The following UNC5D variants were observed in gnomAD, a reference collection of about 807,000 sequenced individuals.
UNC5D encodes netrin receptor UNC5D.
UNC5D carries 39 observed loss-of-function variants against 105.4 expected under a neutral mutation model. That is an observed-to-expected ratio of 0.37 (90% CI 0.29 to 0.48). The LOEUF (loss-of-function observed/expected upper bound fraction) is 0.48, where lower values mean the gene tolerates loss of function less well. Among genes scored for constraint, UNC5D ranks in the 20% least tolerant of loss-of-function variants. The pLI, the probability that UNC5D is intolerant of heterozygous loss-of-function variation, is 0.98. For missense variants in UNC5D, 991 were observed against 1,202.4 expected (o/e 0.82, Z 2.60); for synonymous variants, 452 against 450.4 (o/e 1.00, Z -0.04).
chr8:35,509,591 T>C (rs1183704156), intron 1 of UNC5D, among the ~76,000 whole-genome samples: 1 of 85,304 alleles, frequency 1.2e-5, no homozygotes, highest in Non-Finnish European at 2.5e-5. Context: ...ACTTTTCCCA[T>C]CCTTTCTCAC....
intron 1 of UNC5D, among the ~76,000 whole-genome samples, chr8:35,275,836 G>GT (rs1246934293): frequency 1.3e-5 from 2 of 152,094 alleles, no homozygotes; most frequent in Non-Finnish European, 2.9e-5. Context: ...CACCTATATT[G>GT]TAAGTAGTTT....
intron 1 of UNC5D, among the ~76,000 whole-genome samples, chr8:35,376,701 G>C (rs1802717350): frequency 6.6e-6 from 1 of 152,162 alleles, no homozygotes; most frequent in Non-Finnish European, 1.5e-5. Context: ...CTCCTGTCTA[G>C]ATAATGGAAT....
chr8:35,526,038 C>A (rs1813847113), intron 1 of UNC5D, among the ~76,000 whole-genome samples: 1 of 152,184 alleles, frequency 6.6e-6, no homozygotes, highest in Non-Finnish European at 1.5e-5. Flanking sequence ...CAGTGTGACA[C>A]TGGCCCAGCA....
chr8:35,631,463 A>G (rs866206399), intron 4 of UNC5D, among the ~76,000 whole-genome samples: 2 of 152,212 alleles, frequency 1.3e-5, no homozygotes, highest in African/African-American at 4.8e-5. Context: ...TGCACCATGC[A>G]CTGCTGGGCA....
chr8:35,416,387 AT>A (rs1189362079), intron 1 of UNC5D, among the ~76,000 whole-genome samples: 1 of 151,958 alleles, frequency 6.6e-6, no homozygotes, highest in Non-Finnish European at 1.5e-5. Flanking sequence ...TAATGCACTG[AT>A]TTTTTTTCTT....
chr8:35,419,683 G>A (rs1805764150), intron 1 of UNC5D, among the ~76,000 whole-genome samples: 1 of 152,180 alleles, frequency 6.6e-6, no homozygotes, highest in Non-Finnish European at 1.5e-5. Flanking sequence ...CCTGCAGTAG[G>A]ACAAACAGGG....
chr8:35,405,912 T>C (rs1054513677), intron 1 of UNC5D, among the ~76,000 whole-genome samples: 8 of 152,186 alleles, frequency 5.3e-5, no homozygotes, highest in African/African-American at 1.9e-4. Context: ...TCCTGACATA[T>C]GTAACTCAAA....
At chr8:35,590,401 T>C (rs1029519960) in intron 3 of UNC5D, among the ~76,000 whole-genome samples, 1 of 152,222 alleles carries the variant, frequency 6.6e-6, no homozygotes, top group Non-Finnish European at 1.5e-5. Flanking sequence ...CTTATTAATA[T>C]AGGATTTATT....
chr8:35,756,781 T>C (rs1273496043), intron 13 of UNC5D, among the ~76,000 whole-genome samples: 2 of 152,130 alleles, frequency 1.3e-5, no homozygotes, highest in Non-Finnish European at 2.9e-5. Flanking sequence ...AATACAACGA[T>C]TGTGTGTAGT....
At chr8:35,312,634 A>T (rs1409511975) in intron 1 of UNC5D, among the ~76,000 whole-genome samples, 1 of 152,302 alleles carries the variant, frequency 6.6e-6, no homozygotes. Flanking sequence ...GACATATTCA[A>T]TAGGCTTCAT....
intron 16 of UNC5D, among the ~76,000 whole-genome samples, chr8:35,781,845 CT>C (rs1208724448): frequency 6.6e-6 from 1 of 152,146 alleles, no homozygotes; most frequent in African/African-American, 2.4e-5. Context: ...ATCCAGGGCT[CT>C]CATACATTTC....
chr8:35,484,890 C>G (rs1810727819), intron 1 of UNC5D, among the ~76,000 whole-genome samples: 1 of 152,136 alleles, frequency 6.6e-6, no homozygotes, highest in Non-Finnish European at 1.5e-5. Context: ...ACAAATTATT[C>G]AATATTGATG....
intron 8 of UNC5D, among the ~76,000 whole-genome samples, chr8:35,719,491 A>G (rs1426063138): frequency 6.6e-6 from 1 of 152,168 alleles, no homozygotes. Flanking sequence ...AGCTGTGGGT[A>G]AAGTCTGGTT....
chr8:35,315,795 G>C (rs934439101), intron 1 of UNC5D, among the ~76,000 whole-genome samples: 1 of 152,178 alleles, frequency 6.6e-6, no homozygotes, highest in Non-Finnish European at 1.5e-5. Flanking sequence ...CCAGTAAGTG[G>C]CAGGACTGGC....
At chr8:35,466,059 C>G (rs1222448805) in intron 1 of UNC5D, among the ~76,000 whole-genome samples, 1 of 152,150 alleles carries the variant, frequency 6.6e-6, no homozygotes, top group East Asian at 1.9e-4. Context: ...AGACTTTTAA[C>G]CTTCAGAACT....
chr8:35,485,355 G>A (rs1331656850), intron 1 of UNC5D, among the ~76,000 whole-genome samples: 1 of 152,274 alleles, frequency 6.6e-6, no homozygotes, highest in African/African-American at 2.4e-5. Context: ...AAGATGACTG[G>A]CATATATATC....
chr8:35,773,487 A>T (rs974777873), intron 15 of UNC5D, among the ~76,000 whole-genome samples: 18 of 152,314 alleles, frequency 1.2e-4, no homozygotes, highest in Middle Eastern at 6.8e-3. Flanking sequence ...AGAAAATAAA[A>T]TTAAAGGTAA....
chr8:35,504,522 G>GA (rs2130277898), intron 1 of UNC5D, among the ~76,000 whole-genome samples: 1 of 152,246 alleles, frequency 6.6e-6, no homozygotes, highest in South Asian at 2.1e-4. Flanking sequence ...GGAATGCATT[G>GA]TAAAAGAGCA....
chr8:35,415,833 G>A (rs1805493452), intron 1 of UNC5D, among the ~76,000 whole-genome samples: 3 of 152,056 alleles, frequency 2.0e-5, no homozygotes, highest in Admixed American at 6.6e-5. Flanking sequence ...CATAAAATTT[G>A]TAATTATTTT....
Sources: allele counts gnomAD v4.1 joint callset (sites outside exome capture counted in the v4.1 genomes callset), GRCh38; gene constraint gnomAD v4.1.1; transcripts MANE v1.5; gene names NCBI Gene and HGNC (gene_info 2026-07-23, HGNC 2026-07-21).